Variants in RTL4 observed in about 807,000 individuals in gnomAD.
RTL4 encodes the protein retrotransposon Gag-like protein 4.
RTL4 carries 4 observed loss-of-function variants against 5.3 expected under a neutral mutation model. The observed-to-expected ratio is 0.75, with a 90% confidence interval of 0.37 to 1.72. RTL4 has a LOEUF of 1.72. Ranked by LOEUF, RTL4 falls within the 40% of genes most tolerant of loss-of-function variation. The probability of loss-of-function intolerance (pLI) is 0.04; values close to 1 mark genes in which losing one functional copy is unlikely to be tolerated. For missense variants in RTL4, 260 were observed against 227.1 expected, an observed-to-expected ratio of 1.14 and a Z score of -0.93; for synonymous variants, 98 against 87.3, an observed-to-expected ratio of 1.12 and a Z score of -0.68.
At chrX:112,116,535 A>G in the RTL4 span, among the ~76,000 whole-genome samples, 2 of 111,544 alleles carry the variant, frequency 1.8e-5, no homozygotes, top group African/African-American at 6.5e-5. Context: ...GGTCCATTTT[A>G]CAGAGTGCTG....
At chrX:112,242,918 T>C in the RTL4 span, among the ~76,000 whole-genome samples, 3 of 111,847 alleles carry the variant, frequency 2.7e-5, no homozygotes, top group African/African-American at 9.7e-5. Flanking sequence ...TGAATTTTGT[T>C]GAATGCCTTT....
upstream of RTL4, among the ~76,000 whole-genome samples, chrX:112,450,712 C>T (rs1323095261): frequency 9.0e-6 from 1 of 111,535 alleles, no homozygotes; most frequent in Non-Finnish European, 1.9e-5. Context: ...TGCTGTGCCA[C>T]CTTGAATACA....
At chrX:112,138,445 G>A in the RTL4 span, among the ~76,000 whole-genome samples, 1 of 111,556 alleles carries the variant, frequency 9.0e-6, no homozygotes, top group South Asian at 3.7e-4. Context: ...TGAGAGAAAA[G>A]TTTTGGAGGT....
chrX:112,160,591 G>A, the RTL4 span, among the ~76,000 whole-genome samples: 1 of 111,605 alleles, frequency 9.0e-6, no homozygotes, highest in African/African-American at 3.3e-5. Context: ...GGGAAGGGAG[G>A]GTAAGTCACA....
chrX:112,145,280 C>T, the RTL4 span, among the ~76,000 whole-genome samples: 1 of 111,390 alleles, frequency 9.0e-6, no homozygotes, highest in Non-Finnish European at 1.9e-5. Flanking sequence ...ATCATTTTGC[C>T]ATGAAAAGAA....
the RTL4 span, among the ~76,000 whole-genome samples, chrX:112,187,574 A>G: frequency 1.8e-5 from 2 of 111,718 alleles, no homozygotes; most frequent in Admixed American, 1.9e-4. Context: ...TCAAATTACC[A>G]TGGGTTAGGA....
chrX:112,360,628 A>T, the RTL4 span, among the ~76,000 whole-genome samples: 1 of 109,901 alleles, frequency 9.1e-6, no homozygotes, highest in East Asian at 2.9e-4. Context: ...CTATCATCAT[A>T]CTATATCACT....
chrX:112,196,833 C>T, the RTL4 span, among the ~76,000 whole-genome samples: 1 of 111,011 alleles, frequency 9.0e-6, no homozygotes, highest in Non-Finnish European at 1.9e-5. Context: ...ATTGTTCTAG[C>T]GTTTTTCTTA....
chrX:112,195,992 C>G, the RTL4 span, among the ~76,000 whole-genome samples: 2 of 111,493 alleles, frequency 1.8e-5, no homozygotes, highest in Admixed American at 1.9e-4. Flanking sequence ...CTAACGCACT[C>G]TTTACCCATT....
the RTL4 span, among the ~76,000 whole-genome samples, chrX:112,175,595 A>T: frequency 9.1e-6 from 1 of 110,024 alleles, no homozygotes; most frequent in Non-Finnish European, 1.9e-5. Flanking sequence ...ACTTTAAAGT[A>T]GTTTTTTCCA....
the RTL4 span, among the ~76,000 whole-genome samples, chrX:112,145,695 A>G: frequency 8.9e-6 from 1 of 111,808 alleles, no homozygotes; most frequent in Non-Finnish European, 1.9e-5. Flanking sequence ...GCTATGACGA[A>G]AAGAAGTGGG....
At chrX:112,373,668 T>C in the RTL4 span, among the ~76,000 whole-genome samples, 5 of 99,975 alleles carry the variant, frequency 5.0e-5, no homozygotes, top group Non-Finnish European at 7.9e-5. Context: ...TTAACTATAC[T>C]GCTCAATGAA....
the RTL4 span, among the ~76,000 whole-genome samples, chrX:112,298,249 T>C: frequency 2.7e-5 from 3 of 112,471 alleles, no homozygotes; most frequent in Admixed American, 9.5e-5. Flanking sequence ...TGATAGACAC[T>C]GTTCACACTG....
chrX:112,427,263 A>G, the RTL4 span, among the ~76,000 whole-genome samples: 1 of 111,325 alleles, frequency 9.0e-6, no homozygotes, highest in Non-Finnish European at 1.9e-5. Flanking sequence ...GATGTATGCC[A>G]GGTACCCAAG....
the RTL4 span, among the ~76,000 whole-genome samples, chrX:112,246,999 T>A: frequency 8.9e-6 from 1 of 111,854 alleles, no homozygotes; most frequent in Non-Finnish European, 1.9e-5. Context: ...TATGTAGTAA[T>A]AGCAAAAGCA....
the RTL4 span, among the ~76,000 whole-genome samples, chrX:112,346,703 C>T: frequency 1.8e-5 from 2 of 110,773 alleles, no homozygotes; most frequent in East Asian, 2.8e-4. Flanking sequence ...AGGTATGCTG[C>T]GAGGAGGCCA....
the RTL4 span, among the ~76,000 whole-genome samples, chrX:112,313,944 A>G: frequency 9.0e-6 from 1 of 111,199 alleles, no homozygotes; most frequent in African/African-American, 3.3e-5. Flanking sequence ...AAGTGGGGAA[A>G]TTTTGATGCC....
chrX:112,131,052 GC>G, the RTL4 span, among the ~76,000 whole-genome samples: 1 of 108,545 alleles, frequency 9.2e-6, no homozygotes, highest in Non-Finnish European at 1.9e-5. Context: ...ACCTGCCTCG[GC>G]CTCCCAAACT....
chrX:112,410,637 T>G, the RTL4 span, among the ~76,000 whole-genome samples: 1 of 111,870 alleles, frequency 8.9e-6, no homozygotes, highest in Non-Finnish European at 1.9e-5. Context: ...AATGACAGGT[T>G]GGTGTATGAA....
Sources: allele counts gnomAD v4.1 joint callset (sites outside exome capture counted in the v4.1 genomes callset), GRCh38; gene constraint gnomAD v4.1.1; transcripts MANE v1.5; gene names NCBI Gene and HGNC (gene_info 2026-07-23, HGNC 2026-07-21).